The following MGST1 variants were observed in gnomAD, a reference collection of about 807,000 sequenced individuals.
The protein encoded by MGST1 is microsomal glutathione S-transferase 1, also known as glutathione S-transferase 12.
MGST1 carries 5 observed loss-of-function variants against 8.9 expected under a neutral mutation model. The ratio of observed to expected loss-of-function variants is 0.56; its 90% CI spans 0.29 to 1.19. MGST1 has a LOEUF of 1.19. Ranked by LOEUF, MGST1 falls within the 50% of genes most tolerant of loss-of-function variation. The pLI is 0.08. For missense variants in MGST1, 182 were observed against 187.4 expected (o/e 0.97, Z 0.17); for synonymous variants, 54 against 67.8 (o/e 0.80, Z 1.00).
chr12:16,583,052 A>AG (rs2093407782), intron 4 of MGST1, among the ~76,000 whole-genome samples: 1 of 148,460 alleles, frequency 6.7e-6, no homozygotes, highest in Admixed American at 6.7e-5. Flanking sequence ...GCCTCAAAAA[A>AG]AAAAAAAAAA....
intron 4 of MGST1, among the ~76,000 whole-genome samples, chr12:16,565,066 AGT>A (rs1181756770): frequency 2.6e-5 from 4 of 152,188 alleles, no homozygotes; most frequent in African/African-American, 9.7e-5. Flanking sequence ...ATCAAATTAT[AGT>A]GTGAGCCACT....
At chr12:16,452,927 T>C (rs11056946) in intron 4 of MGST1, among the ~76,000 whole-genome samples, 1 of 151,970 alleles carries the variant, frequency 6.6e-6, no homozygotes, top group East Asian at 2.0e-4. Context: ...GGTCTTTCTT[T>C]AGGATAAAAA....
chr12:16,563,076 C>G (rs1018088249), intron 4 of MGST1, among the ~76,000 whole-genome samples: 2 of 151,976 alleles, frequency 1.3e-5, no homozygotes, highest in African/African-American at 4.8e-5. Flanking sequence ...GCTGGAGGCT[C>G]CATCAGTTTC....
At chr12:16,533,097 T>C (rs1282786256) in intron 4 of MGST1, among the ~76,000 whole-genome samples, 1 of 152,186 alleles carries the variant, frequency 6.6e-6, no homozygotes, top group Non-Finnish European at 1.5e-5. Flanking sequence ...GACTATACTT[T>C]CTTAACTAGT....
At chr12:16,358,779 C>CTTTTTTTTTTTTTT (rs35081887) in intron 3 of MGST1, among the ~76,000 whole-genome samples, 20 of 57,582 alleles carry the variant, frequency 3.5e-4, no homozygotes, top group Admixed American at 1.6e-3. Flanking sequence ...AAATTCATTC[C>CTTTTTTTTTTTTTT]TTTTTTTTTT....
At chr12:16,575,353 C>T (rs1040090925) in intron 4 of MGST1, among the ~76,000 whole-genome samples, 2 of 152,192 alleles carry the variant, frequency 1.3e-5, no homozygotes, top group Non-Finnish European at 1.5e-5. Context: ...AAGACCAAGT[C>T]CTCTCTGATA....
chr12:16,561,751 A>G (rs1260519824), intron 4 of MGST1, among the ~76,000 whole-genome samples: 4 of 152,208 alleles, frequency 2.6e-5, no homozygotes, highest in Non-Finnish European at 4.4e-5. Context: ...AGTTGTTGGA[A>G]ACAGTTGTGA....
At chr12:16,502,848 G>T (rs1036620917) in intron 4 of MGST1, among the ~76,000 whole-genome samples, 1 of 152,126 alleles carries the variant, frequency 6.6e-6, no homozygotes, top group Non-Finnish European at 1.5e-5. Context: ...GTGACTATGG[G>T]AACAGAAATT....
intron 1 of MGST1, among the ~76,000 whole-genome samples, chr12:16,390,603 C>T (rs1940542787): frequency 6.6e-6 from 1 of 152,154 alleles, no homozygotes; most frequent in Admixed American, 6.6e-5. Flanking sequence ...CCAGCTCCAT[C>T]CATGTTCCAA....
intron 3 of MGST1, chr12:16,360,488 A>G (rs1939939964): frequency 2.2e-6 from 1 of 453,474 alleles, no homozygotes; most frequent in South Asian, 9.2e-5. Context: ...AAAGTCAGTT[A>G]TTTGAGTTCT....
intron 1 of MGST1, among the ~76,000 whole-genome samples, chr12:16,354,028 G>A (rs999574792): frequency 6.6e-6 from 1 of 151,972 alleles, no homozygotes; most frequent in African/African-American, 2.4e-5. Context: ...CCAAAGTGCT[G>A]GGATTAACAG....
chr12:16,501,513 A>G (rs571265085), intron 4 of MGST1, among the ~76,000 whole-genome samples: 1 of 152,366 alleles, frequency 6.6e-6, no homozygotes, highest in South Asian at 2.1e-4. Flanking sequence ...TTTGGTGTAG[A>G]GACAGAAGTG....
intron 1 of MGST1, among the ~76,000 whole-genome samples, chr12:16,407,689 TA>T (rs202222229): frequency 2.3e-4 from 35 of 150,472 alleles, no homozygotes; most frequent in Admixed American, 1.6e-3. Flanking sequence ...GTGAACTAGA[TA>T]AAAAAAAATA....
chr12:16,575,130 A>G (rs1472457694), intron 4 of MGST1, among the ~76,000 whole-genome samples: 1 of 152,360 alleles, frequency 6.6e-6, no homozygotes, highest in Non-Finnish European at 1.5e-5. Context: ...CTTCCAAGTT[A>G]TAATCTAAAC....
rs976050562 is a variant in MGST1, at chr12:16,582,511, A to C, written n.483-7017A>C. Among the ~76,000 whole-genome samples, 1 of 152,188 alleles carries C rather than the reference A, an allele frequency of 6.6e-6. No individual in the cohort carries two copies. Among genetic ancestry groups the C allele is most frequent in the African/African-American group, 2.4e-5 (1 of 41,440 alleles). ...AAGCTGCTTTACATATTTTGAACTT[A>C]AGCTTCCTGTGTAACACTTAATTGT... On this transcript the variant is annotated intron_variant and non_coding_transcript_variant, in intron 4 of 4. Transcript: ENST00000538857. This position sits in a 1 kb window ranked among gnomAD's most constrained non-coding sequence, Gnocchi z 4.1.
intron 4 of MGST1, among the ~76,000 whole-genome samples, chr12:16,480,511 C>G (rs533121806): frequency 1.1e-3 from 164 of 152,178 alleles, no homozygotes; most frequent in African/African-American, 3.8e-3. Context: ...ATTTGCAAAA[C>G]ACATATCTGA....
At chr12:16,562,827 C>G (rs544969288) in intron 4 of MGST1, among the ~76,000 whole-genome samples, 2 of 152,338 alleles carry the variant, frequency 1.3e-5, no homozygotes, top group Non-Finnish European at 2.9e-5. Context: ...TGGTCCGAGT[C>G]TCTGATGGCT....
At chr12:16,524,878 G>T (rs139671725) in intron 4 of MGST1, among the ~76,000 whole-genome samples, 1 of 152,098 alleles carries the variant, frequency 6.6e-6, no homozygotes, top group African/African-American at 2.4e-5. Context: ...TATTGTAGAA[G>T]TCATTAATTT....
chr12:16,510,135 C>T (rs1029990217), intron 4 of MGST1, among the ~76,000 whole-genome samples: 2 of 152,208 alleles, frequency 1.3e-5, no homozygotes, highest in African/African-American at 4.8e-5. Context: ...TTGCTGACTT[C>T]TACGTCGTGC....
Sources: allele counts gnomAD v4.1 joint callset (sites outside exome capture counted in the v4.1 genomes callset), GRCh38; gene constraint gnomAD v4.1.1; non-coding constraint Gnocchi (gnomAD v3.1); transcripts MANE v1.5; gene names NCBI Gene and HGNC (gene_info 2026-07-23, HGNC 2026-07-21).